The following VTI1A variants were observed in gnomAD, a reference collection of about 807,000 sequenced individuals.
VTI1A encodes vesicle transport through interaction with t-SNAREs 1A.
In VTI1A, 22 loss-of-function variants were observed where a neutral mutation model predicts 34.9. That is an observed-to-expected ratio of 0.63 (90% CI 0.45 to 0.90). The LOEUF is 0.90. VTI1A is among the 40% of genes least tolerant of loss of function. VTI1A has a pLI of 0.00. For synonymous variants in VTI1A, 87 were observed against 97.3 expected (o/e 0.89, Z 0.62); for missense variants, 268 against 275.6 (o/e 0.97, Z 0.20).
chr10:112,694,043 C>T (rs1192746320), intron 7 of VTI1A, among the ~76,000 whole-genome samples: 1 of 152,118 alleles, frequency 6.6e-6, no homozygotes. Context: ...CCTGTCTCTA[C>T]TAAAAATACA....
chr10:112,821,695 G>T (rs1853658605), downstream of VTI1A, among the ~76,000 whole-genome samples: 1 of 152,192 alleles, frequency 6.6e-6, no homozygotes, highest in Non-Finnish European at 1.5e-5. Flanking sequence ...CAGAAAAGAG[G>T]AGCCAAGAAC....
intron 5 of VTI1A, among the ~76,000 whole-genome samples, chr10:112,592,683 G>T (rs371546149): frequency 1.3e-5 from 2 of 152,152 alleles, no homozygotes; most frequent in African/African-American, 4.8e-5. Flanking sequence ...GTTGCATTTG[G>T]AATATATGTC....
chr10:112,495,858 A>G (rs1848999240), intron 3 of VTI1A, among the ~76,000 whole-genome samples: 1 of 152,230 alleles, frequency 6.6e-6, no homozygotes, highest in South Asian at 2.1e-4. Flanking sequence ...GAATTATGAA[A>G]AAAGCTTCTA....
At chr10:112,777,196 A>G (rs1440913553) in intron 7 of VTI1A, among the ~76,000 whole-genome samples, 5 of 152,164 alleles carry the variant, frequency 3.3e-5, no homozygotes, top group Non-Finnish European at 7.4e-5. Context: ...AAGAATCCTC[A>G]TGGATTCTGT....
At chr10:112,635,749 TAAAG>T (rs917834290) in intron 5 of VTI1A, among the ~76,000 whole-genome samples, 10 of 151,958 alleles carry the variant, frequency 6.6e-5, no homozygotes, top group Non-Finnish European at 1.3e-4. Flanking sequence ...GGAAGCAAAA[TAAAG>T]GAAGATTCAA....
intron 3 of VTI1A, among the ~76,000 whole-genome samples, chr10:112,487,411 A>G (rs561501356): frequency 6.6e-6 from 1 of 152,338 alleles, no homozygotes; most frequent in South Asian, 2.1e-4. Flanking sequence ...GGTGTGAGCC[A>G]CCGTGCCTGG....
chr10:112,518,259 A>G (rs1022914916), intron 3 of VTI1A, among the ~76,000 whole-genome samples: 2 of 151,978 alleles, frequency 1.3e-5, no homozygotes, highest in African/African-American at 2.4e-5. Context: ...TTCGTGAACA[A>G]TCAGACCTTT....
chr10:112,771,835 G>A (rs1851821712), intron 7 of VTI1A, among the ~76,000 whole-genome samples: 1 of 152,130 alleles, frequency 6.6e-6, no homozygotes, highest in African/African-American at 2.4e-5. Context: ...CTTTCACTTA[G>A]TATAATGTTT....
intron 7 of VTI1A, among the ~76,000 whole-genome samples, chr10:112,676,895 C>T (rs1187046582): frequency 2.0e-5 from 3 of 152,190 alleles, no homozygotes; most frequent in African/African-American, 7.2e-5. Flanking sequence ...TTGCTCTTTC[C>T]GTCTCGCATC....
At chr10:112,729,600 G>A (rs775485637) in intron 7 of VTI1A, among the ~76,000 whole-genome samples, 16 of 152,276 alleles carry the variant, frequency 1.1e-4, no homozygotes, top group South Asian at 8.3e-4. Flanking sequence ...GACCACATGC[G>A]AAATATACAA....
At chr10:112,449,097 A>T (rs1847125898) in intron 1 of VTI1A, 1 of 152,222 alleles carries the variant, frequency 6.6e-6, no homozygotes, top group South Asian at 2.1e-4. Flanking sequence ...TCTTCATGAT[A>T]CATCACCTCG....
rs949373458 is a variant in VTI1A, at chr10:112,636,785, A to G, written c.428-31433A>G. ...GGTAGTATCTTTTGTTCTTTGGTGT[A>G]TTACTAGAGGGTGCAGTCAGTATAA... On this transcript the variant is annotated intron_variant, in intron 5 of 7. Coordinates refer to ENST00000393077, the MANE Select transcript of VTI1A (RefSeq NM_145206.4). Among the ~76,000 whole-genome samples the G allele has an allele frequency of 4.0e-5, 6 of 151,844 alleles. No homozygotes were observed. In the East Asian group the frequency reaches 1.2e-3, roughly 30 times the overall value.
At chr10:112,800,328 C>T (rs1852834413) in intron 7 of VTI1A, among the ~76,000 whole-genome samples, 1 of 152,200 alleles carries the variant, frequency 6.6e-6, no homozygotes, top group African/African-American at 2.4e-5. Context: ...GGACCAAGGC[C>T]AGATGTGCCC....
At chr10:112,737,487 T>C in intron 7 of VTI1A, 4 of 1,050,442 alleles carry the variant, frequency 3.8e-6, no homozygotes, top group Non-Finnish European at 4.6e-6. Context: ...CTCTTCCGCA[T>C]CTTCTGTTCC....
chr10:112,838,979 G>A, the VTI1A span, among the ~76,000 whole-genome samples: 101 of 152,304 alleles, frequency 6.6e-4, no homozygotes, highest in African/African-American at 2.3e-3. Context: ...ATGCAAGAAC[G>A]CCACTTTCTT....
At chr10:112,529,367 T>G (rs1036204264) in intron 4 of VTI1A, among the ~76,000 whole-genome samples, 5 of 152,144 alleles carry the variant, frequency 3.3e-5, no homozygotes, top group Non-Finnish European at 7.4e-5. Context: ...TCCCTCAAAC[T>G]AAAACACATC....
intron 5 of VTI1A, among the ~76,000 whole-genome samples, chr10:112,547,685 G>T (rs1352297227): frequency 6.6e-6 from 1 of 152,132 alleles, no homozygotes; most frequent in Non-Finnish European, 1.5e-5. Flanking sequence ...GTTTATGTAT[G>T]CCCTTTATGC....
intron 5 of VTI1A, among the ~76,000 whole-genome samples, chr10:112,558,111 A>G (rs986130223): frequency 4.6e-5 from 7 of 152,126 alleles, no homozygotes; most frequent in Non-Finnish European, 7.4e-5. Flanking sequence ...TCATTCCCCC[A>G]AAATCAAGGC....
At chr10:112,772,343 A>T (rs1016420030) in intron 7 of VTI1A, among the ~76,000 whole-genome samples, 2 of 152,168 alleles carry the variant, frequency 1.3e-5, no homozygotes, top group East Asian at 3.8e-4. Context: ...GGTCATTGTT[A>T]TATCTTCTTT....
Sources: allele counts gnomAD v4.1 joint callset (sites outside exome capture counted in the v4.1 genomes callset), GRCh38; gene constraint gnomAD v4.1.1; transcripts MANE v1.5; gene names NCBI Gene and HGNC (gene_info 2026-07-23, HGNC 2026-07-21).